HMGB1: variants seen among roughly 807,000 people sequenced by gnomAD.
HMGB1 encodes high mobility group protein B1.
For synonymous variants in HMGB1, 81 were observed against 84.0 expected (o/e 0.96, Z 0.19); for missense variants, 79 against 253.5 (o/e 0.31, Z 4.67).
chr13:30,572,617 A>C (rs1401034655), intron 1 of HMGB1, among the ~76,000 whole-genome samples: 1 of 152,218 alleles, frequency 6.6e-6, no homozygotes, highest in East Asian at 1.9e-4. Context: ...AGAAGGGTAA[A>C]TCTCTTACCA....
Position 30,538,520 on chromosome 13 carries a change from T to C in HMGB1, c.-14-74826A>G, listed in dbSNP as rs9508781. On this transcript the variant is annotated intron_variant, in intron 1 of 4. Transcript: ENST00000405805. ...TTTCTTTCTTTCTTTCCTTTCTTTC[T>C]TTCCTTTCTTTCTTTCCTTTCTTTC... Among the ~76,000 whole-genome samples, 107 of 132,058 alleles carry C rather than the reference T, an allele frequency of 8.1e-4. 1 individual carries two copies. The highest frequency in any genetic ancestry group is 3.5e-3 in the African/African-American group (100 of 28,368). The allele number at this position is 132,058 out of a possible 152,430, so 86.6% of individuals were successfully genotyped here. A position where few individuals can be genotyped will look rare whatever the true frequency, so the allele number is the denominator to read the frequency against.
intron 1 of HMGB1, among the ~76,000 whole-genome samples, chr13:30,535,805 A>G (rs1868408628): frequency 6.6e-6 from 1 of 152,186 alleles, no homozygotes; most frequent in Admixed American, 6.5e-5. Context: ...CAGGAGAATC[A>G]CTTGAACCCA....
At chr13:30,544,889 G>A (rs1869076192) in intron 1 of HMGB1, among the ~76,000 whole-genome samples, 1 of 152,184 alleles carries the variant, frequency 6.6e-6, no homozygotes, top group Admixed American at 6.5e-5. Flanking sequence ...GACAGGCAGA[G>A]AACTGGCGCT....
intron 1 of HMGB1, among the ~76,000 whole-genome samples, chr13:30,616,127 G>C (rs1011728753): frequency 2.0e-4 from 30 of 152,302 alleles, no homozygotes; most frequent in African/African-American, 6.7e-4. Flanking sequence ...GTCAATCTCT[G>C]CTGATCTCCT....
rs1378128127 is a variant in HMGB1 at position 30,559,508 on chromosome 13, A to G, written c.-15+57163T>C. Among the ~76,000 whole-genome samples the G allele has an allele frequency of 1.3e-5, 2 of 152,236 alleles. No individual in the cohort carries two copies. Among genetic ancestry groups the G allele is most frequent in the African/African-American group, 4.8e-5 (2 of 41,466 alleles). Reference sequence around the variant, plus strand: ...GTACTCTGTCCACACCTCTTCAGCAATATGGCATATTGCAAAGTAGTGTTC... The same window carrying G: ...GTACTCTGTCCACACCTCTTCAGCAGTATGGCATATTGCAAAGTAGTGTTC... On this transcript the variant is annotated intron_variant, in intron 1 of 4. Coordinates refer to the HMGB1 transcript ENST00000405805. The surrounding 1 kb of genome is among the most constrained non-coding windows in gnomAD (Gnocchi z 6.6).
intron 1 of HMGB1, among the ~76,000 whole-genome samples, chr13:30,558,516 T>G (rs1158312550): frequency 6.6e-6 from 1 of 152,204 alleles, no homozygotes; most frequent in Non-Finnish European, 1.5e-5. Flanking sequence ...AAGATTTTTT[T>G]TTTAAGATGA....
chr13:30,471,446 C>G (rs1489121345), intron 1 of HMGB1, among the ~76,000 whole-genome samples: 1 of 151,340 alleles, frequency 6.6e-6, no homozygotes, highest in African/African-American at 2.4e-5. Context: ...CTCCCAGGTT[C>G]AAGTGATTCT....
chr13:30,589,963 T>C (rs1055103166), intron 1 of HMGB1, among the ~76,000 whole-genome samples: 2 of 151,952 alleles, frequency 1.3e-5, no homozygotes, highest in African/African-American at 4.8e-5. Context: ...ATAAAAATCT[T>C]GAAGAAGAAT....
At chr13:30,563,158 C>A (rs767067602) in intron 1 of HMGB1, among the ~76,000 whole-genome samples, 3 of 152,358 alleles carry the variant, frequency 2.0e-5, no homozygotes, top group African/African-American at 7.2e-5. Context: ...AACAAGGAAG[C>A]TCTGCTTCGA....
rs1871573252 is a variant in HMGB1, at chr13:30,595,656, G to A, written c.-15+21015C>T. Among the ~76,000 whole-genome samples, 4 of 152,194 alleles carry A rather than the reference G, an allele frequency of 2.6e-5. No individual in the cohort carries two copies. In the South Asian group the frequency reaches 8.3e-4, roughly 31 times the overall value. ...TGGCTCAGCTGTAGACAAGATGTCG[G>A]CTGGGACGGCCATCCTTTGAGGGCT... On this transcript the variant is annotated intron_variant, in intron 1 of 4. Coordinates refer to the HMGB1 transcript ENST00000405805.
chr13:30,604,218 G>A (rs1390941293), intron 1 of HMGB1, among the ~76,000 whole-genome samples: 1 of 152,100 alleles, frequency 6.6e-6, no homozygotes, highest in Admixed American at 6.5e-5. Flanking sequence ...CAGATTTGAC[G>A]CTAATGAGAT....
chr13:30,533,600 A>G (rs1173881030), intron 1 of HMGB1, among the ~76,000 whole-genome samples: 1 of 152,006 alleles, frequency 6.6e-6, no homozygotes, highest in East Asian at 1.9e-4. Context: ...CCTGACCTCG[A>G]GTGATCCACC....
intron 1 of HMGB1, among the ~76,000 whole-genome samples, chr13:30,613,559 T>C (rs1296361988): frequency 6.6e-6 from 1 of 152,222 alleles, no homozygotes; most frequent in African/African-American, 2.4e-5. Context: ...GATTTTAGTG[T>C]TTAAAGATTT....
At chr13:30,509,718 T>A (rs1887948531) in intron 1 of HMGB1, among the ~76,000 whole-genome samples, 1 of 152,180 alleles carries the variant, frequency 6.6e-6, no homozygotes, top group Non-Finnish European at 1.5e-5. Flanking sequence ...GATACTATAG[T>A]GGTAAAATAT....
At chr13:30,489,159 A>G (rs971865189) in intron 1 of HMGB1, among the ~76,000 whole-genome samples, 12 of 152,128 alleles carry the variant, frequency 7.9e-5, no homozygotes, top group African/African-American at 2.7e-4. Context: ...CATTAACTCA[A>G]CAGTACAAAA....
intron 1 of HMGB1, among the ~76,000 whole-genome samples, chr13:30,515,298 C>G (rs1888078021): frequency 6.6e-6 from 1 of 152,184 alleles, no homozygotes; most frequent in Non-Finnish European, 1.5e-5. Flanking sequence ...GATGTGAGCT[C>G]AATTTGGCCA....
chr13:30,535,718 C>T (rs925471823), intron 1 of HMGB1, among the ~76,000 whole-genome samples: 1 of 152,188 alleles, frequency 6.6e-6, no homozygotes, highest in Non-Finnish European at 1.5e-5. Flanking sequence ...GGCGAAACCA[C>T]ATCTCTACTA....
intron 1 of HMGB1, among the ~76,000 whole-genome samples, chr13:30,514,079 A>C (rs1888049910): frequency 6.6e-6 from 1 of 151,820 alleles, no homozygotes; most frequent in Non-Finnish European, 1.5e-5. Context: ...CTCTCTCTTC[A>C]TATGGTCCAC....
intron 1 of HMGB1, among the ~76,000 whole-genome samples, chr13:30,473,952 A>G (rs1056412772): frequency 3.3e-5 from 5 of 152,374 alleles, no homozygotes; most frequent in Middle Eastern, 3.4e-3. Context: ...AGACATAAGA[A>G]GGCCACATAT....
Sources: gnomAD v4.1 joint callset for allele counts (sites outside exome capture counted in the v4.1 genomes callset) on GRCh38, gnomAD v4.1.1 for gene constraint, Gnocchi (gnomAD v3.1) non-coding constraint, MANE v1.5 for transcripts, NCBI Gene and HGNC (gene_info 2026-07-23, HGNC 2026-07-21) for gene names.